The following RNF220 variants were observed in gnomAD, a reference collection of about 807,000 sequenced individuals.
RNF220 encodes ring finger protein 220, also known as E3 ubiquitin-protein ligase RNF220.
RNF220 carries 7 observed loss-of-function variants against 67.1 expected under a neutral mutation model. That is an observed-to-expected ratio of 0.10 (90% CI 0.06 to 0.20). The LOEUF is 0.20. Among genes scored for constraint, RNF220 ranks in the 10% least tolerant of loss-of-function variants. The pLI, the probability that RNF220 is intolerant of heterozygous loss-of-function variation, is 1.00. For missense variants in RNF220, 565 were observed against 740.3 expected (o/e 0.76, Z 2.75); for synonymous variants, 270 against 283.2 (o/e 0.95, Z 0.47).
At chr1:44,456,243 A>G (rs1653162462) in intron 2 of RNF220, among the ~76,000 whole-genome samples, 1 of 152,196 alleles carries the variant, frequency 6.6e-6, no homozygotes, top group African/African-American at 2.4e-5. Context: ...CAAGGGTCCA[A>G]TGTTCCTATT....
intron 2 of RNF220, among the ~76,000 whole-genome samples, chr1:44,509,056 C>T (rs554210121): frequency 6.6e-6 from 1 of 152,274 alleles, no homozygotes; most frequent in Non-Finnish European, 1.5e-5. Flanking sequence ...CTACCTTCAC[C>T]CCAGAGTAGG....
intron 2 of RNF220, among the ~76,000 whole-genome samples, chr1:44,596,087 A>T (rs1666464592): frequency 6.6e-6 from 1 of 152,198 alleles, no homozygotes; most frequent in South Asian, 2.1e-4. Flanking sequence ...TTTTGAACCT[A>T]TGTCTAAATG....
chr1:44,512,560 C>T (rs1659099277), intron 2 of RNF220, among the ~76,000 whole-genome samples: 1 of 152,140 alleles, frequency 6.6e-6, no homozygotes, highest in East Asian at 1.9e-4. Context: ...TAACTGACTC[C>T]ACAGCCCCAG....
At chr1:44,452,297 T>G (rs1461708678) in intron 2 of RNF220, among the ~76,000 whole-genome samples, 1 of 152,160 alleles carries the variant, frequency 6.6e-6, no homozygotes, top group Non-Finnish European at 1.5e-5. Context: ...CTCACGCCTG[T>G]AATCTCAGCA....
intron 1 of RNF220, among the ~76,000 whole-genome samples, chr1:44,410,198 C>T (rs1160603890): frequency 6.6e-6 from 1 of 152,152 alleles, no homozygotes; most frequent in Non-Finnish European, 1.5e-5. Flanking sequence ...TTCTTTTCTC[C>T]AGTTTTCCTC....
chr1:44,423,187 A>G (rs1358086302), intron 2 of RNF220, among the ~76,000 whole-genome samples: 4 of 152,212 alleles, frequency 2.6e-5, no homozygotes, highest in Non-Finnish European at 5.9e-5. Context: ...GGAGCAAGTG[A>G]CCTTTACGCT....
intron 2 of RNF220, among the ~76,000 whole-genome samples, chr1:44,544,001 T>C (rs1014044086): frequency 6.6e-6 from 1 of 152,178 alleles, no homozygotes; most frequent in African/African-American, 2.4e-5. Flanking sequence ...TGGTCCCAGC[T>C]GGACAGCAGA....
chr1:44,447,570 GGT>G (rs1255193205), intron 2 of RNF220, among the ~76,000 whole-genome samples: 11 of 152,178 alleles, frequency 7.2e-5, no homozygotes, highest in African/African-American at 2.7e-4. Flanking sequence ...ACCACTAACA[GGT>G]GTGTCCCTGG....
intron 2 of RNF220, among the ~76,000 whole-genome samples, chr1:44,414,681 C>T (rs1028771670): frequency 1.3e-5 from 2 of 152,004 alleles, no homozygotes; most frequent in Non-Finnish European, 2.9e-5. Context: ...GTCTGTCTCC[C>T]AAAGTGAAAT....
At chr1:44,523,523 G>A (rs765791903) in intron 2 of RNF220, among the ~76,000 whole-genome samples, 1 of 152,204 alleles carries the variant, frequency 6.6e-6, no homozygotes, top group African/African-American at 2.4e-5. Flanking sequence ...TAAGGCACAG[G>A]CTCCTGCATC....
chr1:44,533,239 C>G (rs1203040936), intron 2 of RNF220, among the ~76,000 whole-genome samples: 1 of 152,100 alleles, frequency 6.6e-6, no homozygotes, highest in Non-Finnish European at 1.5e-5. Context: ...GCCTGTAATC[C>G]CAGCACTTTG....
intron 3 of RNF220, among the ~76,000 whole-genome samples, chr1:44,615,695 T>C (rs1643517049): frequency 1.3e-5 from 2 of 151,884 alleles, no homozygotes; most frequent in South Asian, 4.2e-4. Context: ...AGCTTGGGGG[T>C]ATCAAGGAGG....
chr1:44,482,838 C>G (rs973238621), intron 2 of RNF220, among the ~76,000 whole-genome samples: 4 of 150,586 alleles, frequency 2.7e-5, no homozygotes, highest in Admixed American at 6.6e-5. Flanking sequence ...CCAGGATGGT[C>G]TCAAACTCCT....
chr1:44,409,922 C>T, intron 1 of RNF220, among the ~76,000 whole-genome samples: 1 of 152,240 alleles, frequency 6.6e-6, no homozygotes, highest in East Asian at 1.9e-4. Flanking sequence ...CTCCCCCCTC[C>T]CCCATGGAGA....
chr1:44,472,275 C>T (rs562502658), intron 2 of RNF220, among the ~76,000 whole-genome samples: 2 of 152,296 alleles, frequency 1.3e-5, no homozygotes, highest in Admixed American at 6.5e-5. Flanking sequence ...GTATGTTTAA[C>T]ATTTTGAGGA....
At chr1:44,449,423 T>G (rs1353475490) in intron 2 of RNF220, among the ~76,000 whole-genome samples, 1 of 152,114 alleles carries the variant, frequency 6.6e-6, no homozygotes, top group Admixed American at 6.6e-5. Flanking sequence ...AAACTGTATA[T>G]TCTACCTTTT....
At chr1:44,425,549 G>A (rs1415028176) in intron 2 of RNF220, among the ~76,000 whole-genome samples, 2 of 152,106 alleles carry the variant, frequency 1.3e-5, no homozygotes. Flanking sequence ...AGTGGGAGGT[G>A]GTGACTAGAA....
At chr1:44,493,608 T>C (rs981270734) in intron 2 of RNF220, among the ~76,000 whole-genome samples, 1 of 152,146 alleles carries the variant, frequency 6.6e-6, no homozygotes, top group African/African-American at 2.4e-5. Flanking sequence ...ATATAAATAT[T>C]CTAAAATCCC....
intron 2 of RNF220, among the ~76,000 whole-genome samples, chr1:44,556,905 C>T (rs879455889): frequency 3.3e-5 from 5 of 151,754 alleles, no homozygotes; most frequent in African/African-American, 9.7e-5. Context: ...ACAGATGTTG[C>T]TAGACAGGGA....
Sources: allele counts gnomAD v4.1 joint callset (sites outside exome capture counted in the v4.1 genomes callset), GRCh38; gene constraint gnomAD v4.1.1; transcripts MANE v1.5; gene names NCBI Gene and HGNC (gene_info 2026-07-23, HGNC 2026-07-21).